The following HOXA2 variants were observed in gnomAD, a reference collection of about 807,000 sequenced individuals.
HOXA2 encodes homeobox A2, also known as homeobox protein Hox-A2.
In HOXA2, 4 loss-of-function variants were observed where a neutral mutation model predicts 27.2. The observed-to-expected ratio is 0.15, with a 90% confidence interval of 0.07 to 0.34. HOXA2 has a LOEUF of 0.34. HOXA2 is among the 10% of genes least tolerant of loss of function. The pLI, the probability that HOXA2 is intolerant of heterozygous loss-of-function variation, is 1.00. For synonymous variants in HOXA2, 200 were observed against 202.8 expected (o/e 0.99, Z 0.12); for missense variants, 430 against 473.2 (o/e 0.91, Z 0.85).
chr7:27,101,537 C>G, intron 1 of HOXA2, 72 bp from the exon 2 acceptor site: 1 of 1,528,974 alleles, frequency 6.5e-7, no homozygotes, highest in Non-Finnish European at 8.9e-7. Context: ...GGTTATTCCA[C>G]TGGAGAATAA....
intron 1 of HOXA2, 65 bp from the exon 2 acceptor site, chr7:27,101,530 T>C: frequency 1.3e-6 from 2 of 1,551,378 alleles, no homozygotes; most frequent in Middle Eastern, 4.1e-4. Context: ...CGAGCGGGGT[T>C]ATTCCACTGG....
chr7:27,101,257 C>T lies in HOXA2; in HGVS notation c.600G>A (p.Arg200=), dbSNP rs1387182240. ...WFQNRRMKHK[R]QTQCKENQNS... ...TTTGGTTTTCCTTGCACTGGGTCTGCCTCTTGTGCTTCATCCTCCGGTTCT... is the reference window on the plus strand; with the variant it reads ...TTTGGTTTTCCTTGCACTGGGTCTGTCTCTTGTGCTTCATCCTCCGGTTCT... Residue 200 remains arginine, a synonymous_variant, in exon 2 of 2, where the codon AGG becomes AGA. Transcript: ENST00000222718. 6.2e-7 allele frequency: 1 copy of T among 1,614,102 alleles called. No individual in the cohort carries two copies. The highest frequency in any genetic ancestry group is 1.3e-5 in the African/African-American group (1 of 74,928).
In HOXA2 at chr7:27,101,474, A is replaced by G. The variant is rs1301398450; in HGVS notation, c.392-9T>C. ...GGCGATTTCCAGGGATTCTGCGGAA[A>G]GGGAAACCAACAAGAGACACACGCA... On this transcript the variant is annotated splice_polypyrimidine_tract_variant and intron_variant, in intron 1 of 1. Coordinates refer to ENST00000222718, the MANE Select transcript of HOXA2 (RefSeq NM_006735.4). The G allele has an allele frequency of 6.3e-7, 1 of 1,599,394 alleles. No homozygotes were observed. The highest frequency in any genetic ancestry group is 8.5e-7 in the Non-Finnish European group (1 of 1,179,974).
At chr7:27,101,557 A>G in intron 1 of HOXA2, 92 bp from the exon 2 acceptor site, 1 of 1,449,608 alleles carries the variant, frequency 6.9e-7, no homozygotes, top group Non-Finnish European at 9.5e-7. Context: ...AATATAGCAG[A>G]AAAGATCAAC....
intron 1 of HOXA2, 172 bp from the exon 2 acceptor site, chr7:27,101,637 C>T: frequency 1.3e-6 from 1 of 761,542 alleles, no homozygotes; most frequent in Non-Finnish European, 2.2e-6. Flanking sequence ...CCAGCCTGGG[C>T]AGACCCCGTC....
In HOXA2 at chr7:27,102,447, G is replaced by A; in HGVS notation, c.54C>T (p.Leu18=). The stretch of plus-strand genomic sequence containing the variant: ...GGGGAAAAGATGTCAGGCACTCAGC[G>A]AGCGACGGCTGGCTATTGATAAAAC... The part of the protein sequence containing the change: ...EIGFINSQPS[L]AECLTSFPPV... Residue 18 remains leucine (L), a synonymous_variant, in exon 1 of 2, where the codon CTC becomes CTT. Transcript: ENST00000222718. The surrounding 1 kb of genome is among the most constrained non-coding windows in gnomAD (Gnocchi z 4.6). 2.5e-6 allele frequency: 4 copies of A among 1,614,042 alleles called. No individual in the cohort carries two copies. In the South Asian group the frequency reaches 3.3e-5, roughly 13 times the overall value.
intron 1 of HOXA2, chr7:27,101,881 T>C (rs1381217709): frequency 2.8e-6 from 2 of 726,746 alleles, no homozygotes; most frequent in Non-Finnish European, 4.9e-6. Flanking sequence ...TCGGGAAAGT[T>C]TCCCCCCACT....
chr7:27,101,209 G>A lies in HOXA2; in HGVS notation c.648C>T (p.Ser216=). The part of the protein sequence containing the change: ...ENQNSEGKCK[S]LEDSEKVEED... Reference sequence around the variant, plus strand: ...CCTCTACTTTCTCGGAGTCCTCAAGGCTTTTACATTTCCCTTCGCTGTTTT... The same window carrying A: ...CCTCTACTTTCTCGGAGTCCTCAAGACTTTTACATTTCCCTTCGCTGTTTT... Residue 216 remains serine (S), a synonymous_variant, in exon 2 of 2, where the codon AGC becomes AGT. Transcript: ENST00000222718. The A allele has an allele frequency of 6.2e-7, 1 of 1,614,128 alleles. No homozygotes were observed. The highest frequency in any genetic ancestry group is 8.5e-7 in the Non-Finnish European group (1 of 1,180,018).
Position 27,102,382 on chromosome 7 carries a change from G to A in HOXA2, c.119C>T (p.Ser40Leu), listed in dbSNP as rs1376957261. Residue 40 changes from serine (S) to leucine (L), a missense_variant, in exon 1 of 2, where the codon TCG becomes TTG. Transcript: ENST00000222718. The surrounding 1 kb of genome is among the most constrained non-coding windows in gnomAD (Gnocchi z 4.6). ...DTFQSSSIKT[S>L]TLSHSTLIPP... ...AATCAGTGTCGAGTGTGAAAGCGTC[G>A]AGGTCTTGATTGATGAACTTTGAAA... 4 of 1,614,128 alleles carry A rather than the reference G, an allele frequency of 2.5e-6. No homozygotes were observed. The highest frequency in any genetic ancestry group is 1.3e-5 in the African/African-American group (1 of 75,042).
Position 27,101,905 on chromosome 7 carries a change from T to C in HOXA2, c.391+205A>G. 5 of 759,036 alleles carry C rather than the reference T, an allele frequency of 6.6e-6. No homozygotes were observed. The South Asian group carries it at 7.4e-5, about 11-fold the overall frequency. 47.0% of individuals were successfully genotyped at this position (759,036 alleles called of 1,614,324 possible). ...TTTCCCCCCACTTCCTAAAAATATATATGTCTCATTGTAGAGCGCAGGATC... is the reference window on the plus strand; with the variant it reads ...TTTCCCCCCACTTCCTAAAAATATACATGTCTCATTGTAGAGCGCAGGATC... On this transcript the variant is annotated intron_variant, in intron 1 of 1. Transcript: ENST00000222718.
rs1783939471 is a variant in HOXA2 at position 27,102,161 on chromosome 7, C to G, written c.340G>C (p.Ala114Pro). 1 of 1,576,056 alleles carries G rather than the reference C, an allele frequency of 6.3e-7. No individual in the cohort carries two copies. Among genetic ancestry groups the G allele is most frequent in the East Asian group, 2.3e-5 (1 of 43,556 alleles). The change falls in exon 1 of 2, where the codon GCC becomes CCC. Residue 114 changes from alanine to proline, a missense_variant. By Grantham distance (27) the Ala-to-Pro change is conservative (BLOSUM62 -1). Transcript: ENST00000222718. The surrounding 1 kb of genome is among the most constrained non-coding windows in gnomAD (Gnocchi z 4.6). ...AKKTALLPAA[A>P]AAATAAATGP... ...GTGGCTGCGGCGGTGGCGGCGGCGG[C>G]GGCGGCCGGCAGAAGTGCGGTTTTC...
At position 27,102,427 on chromosome 7, in the gene HOXA2, A is replaced by G. The variant is rs1486523031; in HGVS notation, c.74T>C (p.Phe25Ser). Residue 25 changes from phenylalanine (F) to serine (S), a missense_variant, in exon 1 of 2, where the codon TTT becomes TCT. Phe to Ser is a radical substitution (Grantham distance 155, BLOSUM62 -2). Around this residue, in one of 4 missense-constraint regions of HOXA2, gnomAD observed 166 missense variants for 207.6 expected, o/e 0.80. Coordinates refer to ENST00000222718, the MANE Select transcript of HOXA2 (RefSeq NM_006735.4). This position sits in a 1 kb window ranked among gnomAD's most constrained non-coding sequence, Gnocchi z 4.6. ...TTGAAATGTATCAGCGACAGGGGGA[A>G]AAGATGTCAGGCACTCAGCGAGCGA... ...QPSLAECLTSFPPVADTFQSS... is the reference protein window; with the variant it reads ...QPSLAECLTSSPPVADTFQSS... 2 of 1,614,010 alleles carry G rather than the reference A, an allele frequency of 1.2e-6. No individual in the cohort carries two copies. The highest frequency in any genetic ancestry group is 1.7e-5 in the Admixed American group (1 of 60,002).
At position 27,100,775 on chromosome 7, in the gene HOXA2, A is replaced by T. The variant is rs770572625; in HGVS notation, c.1082T>A (p.Phe361Tyr). Residue 361 changes from phenylalanine to tyrosine, a missense_variant, in exon 2 of 2, where the codon TTT becomes TAT. Coordinates refer to ENST00000222718, the MANE Select transcript of HOXA2 (RefSeq NM_006735.4). Reference protein sequence around the residue: ...PVDISADSLDFFTDTLTTIDL... With the variant: ...PVDISADSLDYFTDTLTTIDL... ...GATTGTGGTGAGTGTGTCTGTAAAA[A>T]AGTCTAAGCTGTCAGCTGAAATATC... is the stretch of plus-strand genomic sequence containing the variant. 1 of 1,614,212 alleles carries T rather than the reference A, an allele frequency of 6.2e-7. No individual in the cohort carries two copies. Among genetic ancestry groups the T allele is most frequent in the East Asian group, 2.2e-5 (1 of 44,886 alleles).
chr7:27,100,524 C>A lies in HOXA2; in HGVS notation c.*202G>T. 1 of 620,486 alleles carries A rather than the reference C, an allele frequency of 1.6e-6. No individual in the cohort carries two copies. Among genetic ancestry groups the A allele is most frequent in the Non-Finnish European group, 2.8e-6 (1 of 358,734 alleles). 38.4% of individuals were successfully genotyped at this position (620,486 alleles called of 1,614,324 possible). A position where few individuals can be genotyped will look rare whatever the true frequency, so the allele number is the denominator to read the frequency against. ...GGTTGTTGAGTTAGGTTTAAAACAA[C>A]TAAAACTCCAAAATAATCTGTAAAA... is the stretch of plus-strand genomic sequence containing the variant. On this transcript the variant is annotated 3_prime_UTR_variant, in exon 2 of 2. Transcript: ENST00000222718.
intron 1 of HOXA2, 179 bp from the exon 2 acceptor site, chr7:27,101,644 C>CG: frequency 1.3e-6 from 1 of 741,142 alleles, no homozygotes; most frequent in Non-Finnish European, 2.3e-6. Context: ...GGGCAGACCC[C>CG]GTCTCCTCCA....
At position 27,101,151 on chromosome 7, in the gene HOXA2, C is replaced by T. The variant is rs372854321; in HGVS notation, c.706G>A (p.Ala236Thr). 1 of 1,614,032 alleles carries T rather than the reference C, an allele frequency of 6.2e-7. No homozygotes were observed. Among genetic ancestry groups the T allele is most frequent in the African/African-American group, 1.3e-5 (1 of 74,910 alleles). ...AGAAGGGCCCCAGAGACGCTAAGGGCTTGCTCAAAGAGCGTCTTCTCTTCC... is the reference window on the plus strand; with the variant it reads ...AGAAGGGCCCCAGAGACGCTAAGGGTTTGCTCAAAGAGCGTCTTCTCTTCC... Reference protein sequence around the residue: ...DEEEKTLFEQALSVSGALLER... With the variant: ...DEEEKTLFEQTLSVSGALLER... Residue 236 changes from alanine to threonine, a missense_variant, in exon 2 of 2, where the codon GCC becomes ACC. This residue lies in a region of HOXA2 where 236 missense variants were observed against 208.5 expected (regional missense o/e 1.13). Transcript: ENST00000222718.
At position 27,100,483 on chromosome 7, in the gene HOXA2, C is replaced by T. The variant is rs1023879686; in HGVS notation, c.*243G>A. 7.4e-6 allele frequency: 4 copies of T among 537,770 alleles called. No homozygotes were observed. In the East Asian group the frequency reaches 1.3e-4, roughly 18 times the overall value. The allele number at this position is 537,770 out of a possible 1,614,324, so 33.3% of individuals were successfully genotyped here. On this transcript the variant is annotated 3_prime_UTR_variant, in exon 2 of 2. Coordinates refer to ENST00000222718, the MANE Select transcript of HOXA2 (RefSeq NM_006735.4). ...TTTCTTGCAGGCCTCATACTGCTCTCAGGAATCACATAAAGGGTTGTTGAG... is the reference window on the plus strand; with the variant it reads ...TTTCTTGCAGGCCTCATACTGCTCTTAGGAATCACATAAAGGGTTGTTGAG...
In HOXA2 at chr7:27,102,267, C is replaced by T. The variant is rs371676582; in HGVS notation, c.234G>A (p.Ala78=). ...CGGGCACCGGGCTGCCGCGGCTGCCCGCGGGGCTCGGCTTGGGGCGGCCGC... is the reference window on the plus strand; with the variant it reads ...CGGGCACCGGGCTGCCGCGGCTGCCTGCGGGGCTCGGCTTGGGGCGGCCGC... The part of the protein sequence containing the change: ...GAGGRPKPSP[A]GSRGSPVPAG... Residue 78 remains alanine (A), a synonymous_variant, in exon 1 of 2, where the codon GCG becomes GCA. Coordinates refer to ENST00000222718, the MANE Select transcript of HOXA2 (RefSeq NM_006735.4). This position sits in a 1 kb window ranked among gnomAD's most constrained non-coding sequence, Gnocchi z 4.6. 1.4e-4 allele frequency: 221 copies of T among 1,535,730 alleles called. 1 individual carries two copies. The African/African-American group carries it at 2.8e-3, about 20-fold the overall frequency.
In HOXA2 at chr7:27,102,555, T is replaced by TG. The variant is rs527452480; in HGVS notation, c.-56dup. Reference sequence around the variant, plus strand: ...AAAGTTCCCTCTTTTGGAGGGGCTTTGGGGGGGCAAGGCCTAGGAAAAAGG... The same window carrying TG: ...AAAGTTCCCTCTTTTGGAGGGGCTTTGGGGGGGGCAAGGCCTAGGAAAAAGG... On this transcript the variant is annotated 5_prime_UTR_variant, in exon 1 of 2. It removes the in-frame stop codon of an upstream open reading frame in the 5' UTR. Transcript: ENST00000222718. The surrounding 1 kb of genome is among the most constrained non-coding windows in gnomAD (Gnocchi z 4.6). 232 of 1,576,722 alleles carry TG rather than the reference T, an allele frequency of 1.5e-4. No homozygotes were observed. Among genetic ancestry groups the TG allele is most frequent in the South Asian group, 1.3e-3 (119 of 90,282 alleles).
Sources: allele counts gnomAD v4.1 joint callset, GRCh38; gene constraint gnomAD v4.1.1; regional missense constraint gnomAD v4.1.1; non-coding constraint Gnocchi (gnomAD v3.1); transcripts MANE v1.5; gene names NCBI Gene and HGNC (gene_info 2026-07-23, HGNC 2026-07-21).